The following PTPRE variants were observed in gnomAD, a reference collection of about 807,000 sequenced individuals.
PTPRE encodes receptor-type tyrosine-protein phosphatase epsilon.
PTPRE carries 51 observed loss-of-function variants against 102.0 expected under a neutral mutation model. The ratio of observed to expected loss-of-function variants is 0.50; its 90% CI spans 0.40 to 0.63. PTPRE has a LOEUF of 0.63. Among genes scored for constraint, PTPRE ranks in the 30% least tolerant of loss-of-function variants. The pLI, the probability that PTPRE is intolerant of heterozygous loss-of-function variation, is 0.00. For synonymous variants in PTPRE, 345 were observed against 348.2 expected (o/e 0.99, Z 0.10); for missense variants, 752 against 915.1 (o/e 0.82, Z 2.30).
At chr10:128,056,276 G>T in intron 7 of PTPRE, 63 bp downstream of exon 7, 1 of 1,398,036 alleles carries the variant, frequency 7.2e-7, no homozygotes, top group Non-Finnish European at 1.0e-6. Flanking sequence ...GCTTTGCCTT[G>T]CAGCTCCCCG....
intron 5 of PTPRE, among the ~76,000 whole-genome samples, chr10:128,048,074 T>C (rs1216626828): frequency 2.0e-5 from 3 of 152,226 alleles, no homozygotes. Context: ...TGTGGCTTTT[T>C]TTAGAGAGAC....
chr10:127,985,307 G>A (rs1441323911), intron 2 of PTPRE, among the ~76,000 whole-genome samples: 1 of 152,280 alleles, frequency 6.6e-6, no homozygotes, highest in Non-Finnish European at 1.5e-5. Context: ...TATGGGCTGG[G>A]CGTGGTGGCT....
chr10:128,048,995 T>C (rs766856712), intron 5 of PTPRE, among the ~76,000 whole-genome samples: 1 of 152,204 alleles, frequency 6.6e-6, no homozygotes, highest in Non-Finnish European at 1.5e-5. Flanking sequence ...GTACTTCTCC[T>C]TCTCAATGCC....
chr10:127,943,241 A>C (rs12414866), intron 1 of PTPRE, among the ~76,000 whole-genome samples: 1 of 152,014 alleles, frequency 6.6e-6, no homozygotes. Context: ...TCACAGTGGT[A>C]TTTGTTCATC....
chr10:127,992,219 A>C (rs1424826399), intron 2 of PTPRE, among the ~76,000 whole-genome samples: 4 of 152,128 alleles, frequency 2.6e-5, no homozygotes, highest in African/African-American at 9.7e-5. Context: ...CAACATGACC[A>C]GAAAAGGAGC....
chr10:127,957,584 T>C (rs890842028), intron 1 of PTPRE, among the ~76,000 whole-genome samples: 3 of 152,232 alleles, frequency 2.0e-5, no homozygotes, highest in African/African-American at 7.2e-5. Context: ...TCCAATGATG[T>C]TGATTATTTT....
chr10:127,919,869 G>A (rs1484071539), intron 1 of PTPRE, among the ~76,000 whole-genome samples: 1 of 152,050 alleles, frequency 6.6e-6, no homozygotes, highest in African/African-American at 2.4e-5. Flanking sequence ...AATGGGCAGT[G>A]CTGGGTAGAA....
intron 5 of PTPRE, among the ~76,000 whole-genome samples, chr10:128,048,850 G>A (rs1328057612): frequency 2.0e-5 from 3 of 152,276 alleles, no homozygotes; most frequent in South Asian, 4.1e-4. Flanking sequence ...TTTTGCAAGT[G>A]TGACAGCTGG....
At chr10:128,072,311 A>G in intron 16 of PTPRE, 97 bp downstream of exon 16, 1 of 1,142,134 alleles carries the variant, frequency 8.8e-7, no homozygotes, top group African/African-American at 1.6e-5. Flanking sequence ...GAAAGAATTG[A>G]CATGTTTCCA....
chr10:127,967,638 G>A (rs1462252406), intron 1 of PTPRE, among the ~76,000 whole-genome samples: 1 of 152,134 alleles, frequency 6.6e-6, no homozygotes, highest in African/African-American at 2.4e-5. Context: ...GTATGAAAAT[G>A]GACTAACACA....
intron 1 of PTPRE, among the ~76,000 whole-genome samples, chr10:127,928,579 T>C (rs1351891204): frequency 6.6e-6 from 1 of 152,232 alleles, no homozygotes; most frequent in African/African-American, 2.4e-5. Flanking sequence ...CCATGTCTCC[T>C]GGATGGAGGA....
intron 1 of PTPRE, among the ~76,000 whole-genome samples, chr10:127,952,260 A>G (rs958588020): frequency 8.5e-5 from 13 of 152,344 alleles, no homozygotes; most frequent in African/African-American, 3.1e-4. Flanking sequence ...AGCTTAGGTC[A>G]GCAAAACTAC....
rs183062501 is a variant in PTPRE, at chr10:127,972,869, C to T, written c.-30-9405C>T. The stretch of plus-strand genomic sequence containing the variant: ...GACACACATCAGCCCCCTCTACCAC[C>T]GGCCTTTAATGTCTCCACATCACAC... On this transcript the variant is annotated intron_variant, in intron 1 of 20. Coordinates refer to ENST00000254667, the MANE Select transcript of PTPRE (RefSeq NM_006504.6). Among the ~76,000 whole-genome samples the T allele has an allele frequency of 3.1e-3, 471 of 152,298 alleles. 1 individual carries two copies. The highest frequency in any genetic ancestry group is 0.011 in the African/African-American group (456 of 41,558).
chr10:127,950,606 A>G (rs926077826), intron 1 of PTPRE, among the ~76,000 whole-genome samples: 2 of 152,148 alleles, frequency 1.3e-5, no homozygotes, highest in African/African-American at 4.8e-5. Flanking sequence ...TACAGTGGGA[A>G]CCTCAGTCAC....
intron 1 of PTPRE, among the ~76,000 whole-genome samples, chr10:127,972,209 C>G (rs1850800837): frequency 6.6e-6 from 1 of 152,158 alleles, no homozygotes; most frequent in South Asian, 2.1e-4. Context: ...CTGGGGACTG[C>G]TCCTCCACAC....
At chr10:128,037,951 C>T (rs1203349627) in intron 2 of PTPRE, among the ~76,000 whole-genome samples, 4 of 139,744 alleles carry the variant, frequency 2.9e-5, no homozygotes, top group South Asian at 4.8e-4. Flanking sequence ...CCACCATGTC[C>T]GGCTAATTTT....
At chr10:127,956,833 A>G (rs909753919) in intron 1 of PTPRE, among the ~76,000 whole-genome samples, 1 of 152,250 alleles carries the variant, frequency 6.6e-6, no homozygotes, top group Admixed American at 6.5e-5. Context: ...GATGATGAGC[A>G]TCTTTATGTA....
intron 4 of PTPRE, 69 bp downstream of exon 4, chr10:128,047,558 T>C: frequency 4.3e-6 from 7 of 1,609,932 alleles, no homozygotes; most frequent in Non-Finnish European, 5.9e-6. Flanking sequence ...TCTGATGCTG[T>C]GGGCGTGGGC....
intron 18 of PTPRE, 73 bp from the exon 19 acceptor site, chr10:128,077,544 T>G: frequency 3.3e-6 from 5 of 1,524,324 alleles, no homozygotes; most frequent in South Asian, 1.2e-5. Flanking sequence ...GGCCAATCCC[T>G]GAGAGGGCAG....
Sources: gnomAD v4.1 joint callset for allele counts (sites outside exome capture counted in the v4.1 genomes callset) on GRCh38, gnomAD v4.1.1 for gene constraint, MANE v1.5 for transcripts, NCBI Gene and HGNC (gene_info 2026-07-23, HGNC 2026-07-21) for gene names.